CERS4: variants seen among roughly 807,000 people sequenced by gnomAD.
CERS4 encodes ceramide synthase 4.
In CERS4, 65 loss-of-function variants were observed where a neutral mutation model predicts 51.8. That is an observed-to-expected ratio of 1.26 (90% CI 1.03 to 1.54). CERS4 has a LOEUF of 1.54. Ranked by LOEUF, CERS4 falls within the 40% of genes most tolerant of loss-of-function variation. The pLI, the probability that CERS4 is intolerant of heterozygous loss-of-function variation, is 0.00. For missense variants in CERS4, 563 were observed against 500.4 expected (o/e 1.13, Z -1.19); for synonymous variants, 228 against 208.4 (o/e 1.09, Z -0.81).
At chr19:8,227,262 T>G (rs1459965167) in intron 2 of CERS4, among the ~76,000 whole-genome samples, 1 of 152,160 alleles carries the variant, frequency 6.6e-6, no homozygotes, top group Non-Finnish European at 1.5e-5. Flanking sequence ...TTCATTTTCA[T>G]GTACTATAAT....
intron 2 of CERS4, among the ~76,000 whole-genome samples, chr19:8,219,022 C>T (rs1207511104): frequency 2.0e-5 from 3 of 152,032 alleles, no homozygotes; most frequent in Non-Finnish European, 4.4e-5. Context: ...GCCTGGCCAA[C>T]GTGGTAAAAC....
rs566104740 is a variant in CERS4 at position 8,235,007 on chromosome 19, C to CTTTTTTT, written c.-1-16066_-1-16065insTTTTTTT. ...TGTATCTTTCTCTTTTTCTTTCTTT[C>CTTTTTTT]TTTCTTTTTTTTTTTTTTCAGACAG... On this transcript the variant is annotated intron_variant, in intron 2 of 11. Transcript: ENST00000251363. Among the ~76,000 whole-genome samples, 144 of 127,876 alleles carry CTTTTTTT rather than the reference C, an allele frequency of 1.1e-3. 1 individual carries two copies. The highest frequency in any genetic ancestry group is 1.7e-3 in the Non-Finnish European group (109 of 62,544). 83.9% of individuals were successfully genotyped at this position (127,876 alleles called of 152,430 possible).
At chr19:8,214,912 G>A (rs1250235980) in intron 2 of CERS4, among the ~76,000 whole-genome samples, 2 of 150,362 alleles carry the variant, frequency 1.3e-5, no homozygotes, top group South Asian at 2.1e-4. Flanking sequence ...GGTGGGAGGG[G>A]AGGAGGAAGA....
In CERS4 at chr19:8,254,617, G is replaced by C. The variant is rs1318598044; in HGVS notation, c.291+1G>C. On this transcript the variant is annotated splice_donor_variant, in intron 4 of 11. Transcript: ENST00000251363. LOFTEE classifies it high-confidence loss of function. ...CACGGAAGGGCACAGGCCCAAGGAG[G>C]TGAGAGCCCCCCATGCCCTCCGACC... 5 of 1,604,792 alleles carry C rather than the reference G, an allele frequency of 3.1e-6. No individual in the cohort carries two copies. The highest frequency in any genetic ancestry group is 4.2e-6 in the Non-Finnish European group (5 of 1,176,684).
intron 2 of CERS4, chr19:8,250,817 C>T: frequency 8.2e-7 from 1 of 1,225,102 alleles, no homozygotes; most frequent in Non-Finnish European, 1.0e-6. Context: ...CCTGAGGACA[C>T]ACAGCCCAAC....
chr19:8,254,337 A>G (rs1969254644), intron 3 of CERS4, among the ~76,000 whole-genome samples, 162 bp from the exon 4 acceptor site: 3 of 149,470 alleles, frequency 2.0e-5, no homozygotes, highest in Non-Finnish European at 4.5e-5. Context: ...AAAAAAAAAA[A>G]AAAAAGTCTT....
chr19:8,210,415 A>G lies in CERS4; in HGVS notation c.-158-291A>G, dbSNP rs148525141. 6.6e-5 allele frequency among the ~76,000 whole-genome samples: 10 copies of G among 152,152 alleles called. No individual in the cohort carries two copies. The highest frequency in any genetic ancestry group is 2.4e-4 in the African/African-American group (10 of 41,502). On this transcript the variant is annotated intron_variant, in intron 1 of 11. Coordinates refer to ENST00000251363, the MANE Select transcript of CERS4 (RefSeq NM_024552.3). The surrounding 1 kb of genome is among the most constrained non-coding windows in gnomAD (Gnocchi z 4.2). ...TTCTCCTGGGTAGTTAGGAGTATAT[A>G]GAAGAGGCTTTCATTGCTGGGTTGG...
chr19:8,236,728 G>A (rs1185071032), intron 2 of CERS4, among the ~76,000 whole-genome samples: 2 of 150,516 alleles, frequency 1.3e-5, no homozygotes, highest in South Asian at 2.1e-4. Flanking sequence ...AGGGCTGGGC[G>A]TGGTGGCTCA....
In CERS4 at chr19:8,255,613, C is replaced by T. The variant is rs1299153087; in HGVS notation, c.298C>T (p.Leu100=). The change falls in exon 5 of 12, where the codon CTG becomes TTG. Residue 100 remains leucine (L), a synonymous_variant. Transcript: ENST00000251363. ...CTCATCACCCCCTCCCCAGCCCCAG[C>T]TGTCTCTCCTGGCCGCCCAGTGTGG... ...TEGHRPKEPQ[L]SLLAAQCGLT... 6.2e-7 allele frequency: 1 copy of T among 1,610,992 alleles called. No homozygotes were observed. The highest frequency in any genetic ancestry group is 1.3e-5 in the African/African-American group (1 of 74,830).
chr19:8,262,253 C>T lies in CERS4; in HGVS notation c.*144C>T, dbSNP rs547962253. On this transcript the variant is annotated 3_prime_UTR_variant, in exon 12 of 12. Transcript: ENST00000251363. ...GGGTGGGAAGGCTGATGATCTGTCT[C>T]CAGCCCCTTCCTTCTGCCCACCCAC... 46 of 831,658 alleles carry T rather than the reference C, an allele frequency of 5.5e-5. No homozygotes were observed. Among genetic ancestry groups the T allele is most frequent in the Non-Finnish European group, 7.3e-5 (43 of 592,000 alleles). 51.5% of individuals were successfully genotyped at this position (831,658 alleles called of 1,614,324 possible).
intron 3 of CERS4, 63 bp downstream of exon 3, chr19:8,251,312 T>C (rs955171944): frequency 1.0e-4 from 152 of 1,474,330 alleles, no homozygotes; most frequent in Non-Finnish European, 1.1e-4. Context: ...GCTCGTGCCC[T>C]GTGTGCAATT....
chr19:8,227,850 T>C (rs1256394995), intron 2 of CERS4, among the ~76,000 whole-genome samples: 2 of 151,970 alleles, frequency 1.3e-5, no homozygotes, highest in African/African-American at 2.4e-5. Flanking sequence ...TTATTAGGCA[T>C]GGATTTTCAG....
rs759103145 is a variant in CERS4 at position 8,254,537 on chromosome 19, G to C, written c.212G>C (p.Arg71Thr). 6.2e-7 allele frequency: 1 copy of C among 1,613,780 alleles called. No homozygotes were observed. Among genetic ancestry groups the C allele is most frequent in the Admixed American group, 1.7e-5 (1 of 60,004 alleles). The stretch of plus-strand genomic sequence containing the variant: ...CCCCTGAGCCGGTGGCTGGGTGTGA[G>C]GGATCAGACCAGGAGGCAAGTGAAG... ...GLPLSRWLGV[R>T]DQTRRQVKPN... The change falls in exon 4 of 12, where the codon AGG (arginine) becomes ACG (threonine). Residue 71 changes from arginine to threonine, a missense_variant. Coordinates refer to ENST00000251363, the MANE Select transcript of CERS4 (RefSeq NM_024552.3).
chr19:8,231,855 T>G (rs1170844376), intron 2 of CERS4, among the ~76,000 whole-genome samples: 1 of 48,630 alleles, frequency 2.1e-5, no homozygotes, highest in Non-Finnish European at 5.5e-5. Context: ...CCCAGCATTT[T>G]TTTTTTTTTT....
chr19:8,217,542 T>G (rs538138664), intron 2 of CERS4, among the ~76,000 whole-genome samples: 22 of 150,996 alleles, frequency 1.5e-4, no homozygotes, highest in Admixed American at 5.3e-4. Flanking sequence ...CTAATGTTTT[T>G]TTTTTTTTTT....
chr19:8,253,433 A>ACAAAGGT (rs1422130913), intron 3 of CERS4, among the ~76,000 whole-genome samples: 2 of 149,274 alleles, frequency 1.3e-5, no homozygotes, highest in Non-Finnish European at 3.0e-5. Context: ...CACCCTACAG[A>ACAAAGGT]CAAAGGTCCA....
intron 2 of CERS4, among the ~76,000 whole-genome samples, chr19:8,235,060 G>A (rs940293493): frequency 4.8e-5 from 7 of 144,996 alleles, no homozygotes; most frequent in Non-Finnish European, 9.0e-5. Flanking sequence ...CCAGACTGGA[G>A]TGCAATGGCA....
chr19:8,256,856 CA>C (rs1404408251), intron 8 of CERS4, 92 bp from the exon 9 acceptor site: 2 of 1,600,478 alleles, frequency 1.2e-6, no homozygotes, highest in African/African-American at 2.7e-5. Flanking sequence ...GAGGCCACAC[CA>C]ACCCCCTGAA....
intron 2 of CERS4, among the ~76,000 whole-genome samples, chr19:8,219,755 G>A (rs1456422364): frequency 6.6e-6 from 1 of 151,992 alleles, no homozygotes; most frequent in Non-Finnish European, 1.5e-5. Context: ...GGAGGTGGAG[G>A]TTGCAATGAG....
Sources: gnomAD v4.1 joint callset for allele counts (sites outside exome capture counted in the v4.1 genomes callset) on GRCh38, gnomAD v4.1.1 for gene constraint, Gnocchi (gnomAD v3.1) non-coding constraint, MANE v1.5 for transcripts, NCBI Gene and HGNC (gene_info 2026-07-23, HGNC 2026-07-21) for gene names.